Variants in RNF13 observed in about 807,000 individuals in gnomAD.
The protein encoded by RNF13 is ring finger protein 13, also known as E3 ubiquitin-protein ligase RNF13.
In RNF13, 19 loss-of-function variants were observed where a neutral mutation model predicts 37.7. The observed-to-expected ratio is 0.50, with a 90% confidence interval of 0.35 to 0.74. The LOEUF is 0.74. RNF13 is among the 30% of genes least tolerant of loss of function. RNF13 has a pLI of 0.01. For synonymous variants in RNF13, 144 were observed against 157.8 expected (o/e 0.91, Z 0.65); for missense variants, 375 against 453.0 (o/e 0.83, Z 1.56).
chr3:149,835,671 G>T (rs1477403889), intron 1 of RNF13, among the ~76,000 whole-genome samples: 3 of 148,368 alleles, frequency 2.0e-5, no homozygotes, highest in Non-Finnish European at 4.5e-5. Context: ...GTGTGTTTGT[G>T]TGTGTGTGTG....
intron 2 of RNF13, among the ~76,000 whole-genome samples, chr3:149,847,473 T>C (rs542368333): frequency 2.4e-4 from 37 of 152,154 alleles, no homozygotes; most frequent in Non-Finnish European, 5.4e-4. Context: ...TCTGAGATCA[T>C]TGTAGCACTT....
rs527327099 is a variant in RNF13, at chr3:149,830,621, A to T, written c.-16-15390A>T. On this transcript the variant is annotated intron_variant, in intron 1 of 9. Coordinates refer to ENST00000392894, the MANE Select transcript of RNF13 (RefSeq NM_183381.3). The stretch of plus-strand genomic sequence containing the variant: ...GGAATTGGAACTTATGTTTAAGGGA[A>T]GCAGAGCATAAAAGTTCAGAAAACT... Among the ~76,000 whole-genome samples, 29 of 135,804 alleles carry T rather than the reference A, an allele frequency of 2.1e-4. 1 individual carries two copies. The South Asian group carries it at 6.9e-3, about 32-fold the overall frequency. The allele number at this position is 135,804 out of a possible 152,430, so 89.1% of individuals were successfully genotyped here. A position where few individuals can be genotyped will look rare whatever the true frequency, so the allele number is the denominator to read the frequency against.
In RNF13 at chr3:149,938,562, C is replaced by T. The variant is rs1719941325; in HGVS notation, c.700+17335C>T. Among the ~76,000 whole-genome samples, 3 of 151,628 alleles carry T rather than the reference C, an allele frequency of 2.0e-5. No individual in the cohort carries two copies. The South Asian group carries it at 6.3e-4, about 32-fold the overall frequency. On this transcript the variant is annotated intron_variant, in intron 8 of 9. Coordinates refer to ENST00000392894, the MANE Select transcript of RNF13 (RefSeq NM_183381.3). The stretch of plus-strand genomic sequence containing the variant: ...TCTATCTGTGATGATTTTTCTTGCA[C>T]TGATGTCTGCTCTGTCTGAAAATAT...
intron 1 of RNF13, among the ~76,000 whole-genome samples, chr3:149,844,397 C>T (rs574598575): frequency 1.1e-4 from 17 of 152,286 alleles, no homozygotes; most frequent in Admixed American, 2.0e-4. Flanking sequence ...TGTGACAACA[C>T]ATGTAAAATG....
intron 8 of RNF13, among the ~76,000 whole-genome samples, chr3:149,948,386 T>C (rs1720981984): frequency 6.6e-6 from 1 of 152,232 alleles, no homozygotes; most frequent in African/African-American, 2.4e-5. Flanking sequence ...GAAAGGACTA[T>C]TACTTTTGTT....
At chr3:149,931,668 C>T (rs1214893344) in intron 8 of RNF13, among the ~76,000 whole-genome samples, 4 of 152,050 alleles carry the variant, frequency 2.6e-5, no homozygotes, top group Non-Finnish European at 5.9e-5. Flanking sequence ...ATTTATCACC[C>T]CAAGCAATGA....
At chr3:149,957,083 T>C (rs1413057672) in intron 8 of RNF13, among the ~76,000 whole-genome samples, 1 of 152,136 alleles carries the variant, frequency 6.6e-6, no homozygotes, top group Non-Finnish European at 1.5e-5. Context: ...CCAGAGCCAG[T>C]AGGTAATGTT....
chr3:149,826,179 A>G (rs887486589), intron 1 of RNF13, among the ~76,000 whole-genome samples: 2 of 152,222 alleles, frequency 1.3e-5, no homozygotes, highest in African/African-American at 4.8e-5. Flanking sequence ...TGTCAGAGGG[A>G]AATGGAATGC....
intron 4 of RNF13, among the ~76,000 whole-genome samples, chr3:149,883,817 C>G (rs1231626875): frequency 6.6e-6 from 1 of 152,070 alleles, no homozygotes; most frequent in African/African-American, 2.4e-5. Context: ...AAGAATTAAG[C>G]CCAGCATCCA....
intron 8 of RNF13, among the ~76,000 whole-genome samples, chr3:149,934,068 GGTCTGTTCA>G (rs1719445647): frequency 6.6e-6 from 1 of 152,026 alleles, no homozygotes; most frequent in African/African-American, 2.4e-5. Flanking sequence ...ACTTGCTATT[GGTCTGTTCA>G]GGCTTTTTCT....
At chr3:149,916,411 C>T (rs1296016241) in intron 7 of RNF13, among the ~76,000 whole-genome samples, 3 of 152,138 alleles carry the variant, frequency 2.0e-5, no homozygotes, top group Non-Finnish European at 4.4e-5. Context: ...AAGAAGTAGG[C>T]TTTCATTCAA....
intron 4 of RNF13, among the ~76,000 whole-genome samples, chr3:149,875,963 G>A (rs1355088694): frequency 1.9e-4 from 1 of 5,196 alleles, no homozygotes; most frequent in African/African-American, 1.2e-3. Context: ...ATCCCAGTGA[G>A]AAATACGACT....
intron 1 of RNF13, among the ~76,000 whole-genome samples, chr3:149,833,566 CA>C (rs1291202429): frequency 4.7e-4 from 72 of 152,244 alleles, no homozygotes; most frequent in African/African-American, 1.7e-3. Flanking sequence ...CAGAATTTAA[CA>C]CTCTTTCATG....
intron 6 of RNF13, among the ~76,000 whole-genome samples, chr3:149,902,791 G>A (rs139980661): frequency 7.2e-5 from 11 of 152,034 alleles, no homozygotes; most frequent in Non-Finnish European, 1.2e-4. Context: ...TCCCCAAAAC[G>A]TAGTTGACCA....
intron 4 of RNF13, among the ~76,000 whole-genome samples, chr3:149,880,583 G>T (rs570020183): frequency 2.6e-5 from 4 of 151,886 alleles, no homozygotes; most frequent in African/African-American, 9.7e-5. Context: ...ACACATAAAG[G>T]TTATTCAGAT....
intron 8 of RNF13, among the ~76,000 whole-genome samples, chr3:149,954,444 A>T (rs1409271297): frequency 6.6e-6 from 1 of 152,190 alleles, no homozygotes; most frequent in Non-Finnish European, 1.5e-5. Flanking sequence ...AAAACAAAAA[A>T]GAAAAAAAGA....
At chr3:149,861,038 G>A (rs775339812) in intron 3 of RNF13, among the ~76,000 whole-genome samples, 1 of 152,088 alleles carries the variant, frequency 6.6e-6, no homozygotes, top group Non-Finnish European at 1.5e-5. Flanking sequence ...TCAGGGAAAT[G>A]TAAATCAAAA....
intron 3 of RNF13, 33 bp from the exon 4 acceptor site, chr3:149,871,996 A>G (rs749352933): frequency 4.6e-5 from 72 of 1,558,892 alleles, no homozygotes; most frequent in Non-Finnish European, 6.1e-5. Flanking sequence ...ACTGAGTGAA[A>G]CAGAGAGATA....
At chr3:149,827,889 C>T (rs1015246093) in intron 1 of RNF13, among the ~76,000 whole-genome samples, 13 of 151,186 alleles carry the variant, frequency 8.6e-5, no homozygotes, top group Admixed American at 1.3e-4. Flanking sequence ...GTGGGAGGAT[C>T]GCTTGAGGCC....
Sources: gnomAD v4.1 joint callset for allele counts (sites outside exome capture counted in the v4.1 genomes callset) on GRCh38, gnomAD v4.1.1 for gene constraint, MANE v1.5 for transcripts, NCBI Gene and HGNC (gene_info 2026-07-23, HGNC 2026-07-21) for gene names.